MATR3: variants seen among roughly 807,000 people sequenced by gnomAD.
The protein encoded by MATR3 is matrin-3.
MATR3 carries 4 observed loss-of-function variants against 85.5 expected under a neutral mutation model. The observed-to-expected ratio is 0.05, with a 90% CI of 0.02 to 0.11. MATR3 has a LOEUF of 0.11. Among genes scored for constraint, MATR3 ranks in the 10% least tolerant of loss-of-function variants. The pLI, the probability that MATR3 is intolerant of heterozygous loss-of-function variation, is 1.00. For synonymous variants in MATR3, 336 were observed against 343.1 expected, an observed-to-expected ratio of 0.98 and a Z score of 0.23; for missense variants, 685 against 1,016.1, an observed-to-expected ratio of 0.67 and a Z score of 4.43.
chr5:139,305,343 T>C (rs1581231616), intron 1 of MATR3, among the ~76,000 whole-genome samples: 1 of 152,320 alleles, frequency 6.6e-6, no homozygotes, highest in Middle Eastern at 3.4e-3. Flanking sequence ...TTCCTTAAAA[T>C]ATGGCCGTTT....
chr5:139,320,463 G>A (rs1317650476), intron 9 of MATR3, among the ~76,000 whole-genome samples: 4 of 152,034 alleles, frequency 2.6e-5, no homozygotes, highest in Non-Finnish European at 4.4e-5. Flanking sequence ...TTTTAACCAG[G>A]CAAAGTGGCA....
Position 139,305,619 on chromosome 5 carries a change from A to G in MATR3, c.-177-1620A>G, listed in dbSNP as rs531001358. Among the ~76,000 whole-genome samples, 5 of 152,332 alleles carry G rather than the reference A, an allele frequency of 3.3e-5. No homozygotes were observed. The East Asian group carries it at 9.6e-4, about 29-fold the overall frequency. Reference sequence around the variant, plus strand: ...ATTCTGTCTGGCATTTATAAGACATATCAAAGAAACTTTCATCTGAAGAAG... The same window carrying G: ...ATTCTGTCTGGCATTTATAAGACATGTCAAAGAAACTTTCATCTGAAGAAG... On this transcript the variant is annotated intron_variant, in intron 1 of 14. Transcript: ENST00000394805.
intron 1 of MATR3, among the ~76,000 whole-genome samples, chr5:139,295,439 C>T (rs374867142): frequency 7.9e-5 from 12 of 152,314 alleles, no homozygotes; most frequent in African/African-American, 2.4e-4. Context: ...TTCCTTTGCA[C>T]TTAACAGTAT....
intron 9 of MATR3, among the ~76,000 whole-genome samples, chr5:139,319,902 A>T (rs1267262121): frequency 9.5e-4 from 46 of 48,410 alleles, no homozygotes; most frequent in African/African-American, 1.4e-3. Flanking sequence ...GTATATCCCT[A>T]TTTTTAGTGA....
intron 6 of MATR3, 117 bp downstream of exon 6, chr5:139,317,222 G>T: frequency 9.6e-7 from 1 of 1,038,148 alleles, no homozygotes; most frequent in South Asian, 1.4e-5. Flanking sequence ...GCTGTAATTT[G>T]AAAACAATCA....
intron 1 of MATR3, among the ~76,000 whole-genome samples, chr5:139,300,609 T>C (rs1176068858): frequency 1.3e-5 from 2 of 152,228 alleles, no homozygotes; most frequent in Admixed American, 1.3e-4. Flanking sequence ...AATGAGATGA[T>C]TACTACGGTG....
chr5:139,314,191 A>C (rs1755133814), intron 2 of MATR3: 1 of 176,368 alleles, frequency 5.7e-6, no homozygotes, highest in South Asian at 1.2e-4. Flanking sequence ...TGTTGGGATT[A>C]TAGGCATGAG....
rs1234248896 is a variant in MATR3, at chr5:139,330,870, C to T, written c.*1475C>T. ...TGGAGTGCAGTGGCACAGTTCTCTG[C>T]AACCTCAGCCTTTGGGCTCAAATGA... On this transcript the variant is annotated 3_prime_UTR_variant, in exon 15 of 15. Transcript: ENST00000394805. 1 of 453,826 alleles carries T rather than the reference C, an allele frequency of 2.2e-6. No homozygotes were observed. The highest frequency in any genetic ancestry group is 2.4e-5 in the Admixed American group (1 of 42,550). The allele number at this position is 453,826 out of a possible 1,614,324, so 28.1% of individuals were successfully genotyped here. A position where few individuals can be genotyped will look rare whatever the true frequency, so the allele number is the denominator to read the frequency against.
intron 3 of MATR3, among the ~76,000 whole-genome samples, chr5:139,281,836 A>T (rs1753540693): frequency 6.6e-6 from 1 of 152,184 alleles, no homozygotes; most frequent in Admixed American, 6.5e-5. Context: ...AAGAGGAAAA[A>T]CTAAAAATAA....
At chr5:139,285,392 T>A (rs1451750940) in intron 3 of MATR3, 1 of 152,350 alleles carries the variant, frequency 6.6e-6, no homozygotes, top group Middle Eastern at 3.4e-3. Flanking sequence ...TTCTAATCCC[T>A]AGTCTTGCCC....
intron 10 of MATR3, 56 bp downstream of exon 10, chr5:139,322,085 C>G: frequency 6.4e-7 from 1 of 1,561,206 alleles, no homozygotes; most frequent in Non-Finnish European, 8.8e-7. Context: ...TATTTAAAGC[C>G]ACAACATTCT....
rs1404536126 is a variant in MATR3 at position 139,322,770 on chromosome 5, C to G, written c.1951C>G (p.Leu651Val). 1.1e-5 allele frequency: 17 copies of G among 1,614,168 alleles called. 1 individual carries two copies. In the South Asian group the frequency reaches 1.9e-4, roughly 18 times the overall value. Residue 651 changes from leucine to valine, a missense_variant, in exon 12 of 15, where the codon CTT becomes GTT. Physicochemically the swap from Leu to Val is conservative, Grantham distance 32. Transcript: ENST00000394805. The stretch of plus-strand genomic sequence containing the variant: ...CCAGACAGAGCAGGAACCTAATATG[C>G]TTCTTGAATCTGAAGATGAGCTACT... ...DDQTEQEPNM[L>V]LESEDELLVD...
chr5:139,274,609 A>G (rs1342986637), intron 1 of MATR3, among the ~76,000 whole-genome samples: 1 of 152,200 alleles, frequency 6.6e-6, no homozygotes, highest in Non-Finnish European at 1.5e-5. Context: ...GGATGGCTGG[A>G]AAAAGGTATG....
chr5:139,319,726 C>G (rs1304058676), intron 9 of MATR3, among the ~76,000 whole-genome samples: 1 of 151,628 alleles, frequency 6.6e-6, no homozygotes, highest in African/African-American at 2.4e-5. Flanking sequence ...GCCTGTAATC[C>G]CAGCTACTTG....
chr5:139,328,821 G>A (rs552086005), intron 14 of MATR3, among the ~76,000 whole-genome samples: 3 of 152,110 alleles, frequency 2.0e-5, no homozygotes, highest in Non-Finnish European at 4.4e-5. Flanking sequence ...GGCCAACACG[G>A]TGAAAACCCC....
At chr5:139,328,684 ATGTT>A (rs1166544778) in intron 14 of MATR3, among the ~76,000 whole-genome samples, 3 of 152,182 alleles carry the variant, frequency 2.0e-5, no homozygotes, top group Non-Finnish European at 2.9e-5. Context: ...TTGCAAGAAA[ATGTT>A]TGTTCAGGTG....
In MATR3 at chr5:139,318,168, C is replaced by G. The variant is rs146440057; in HGVS notation, c.1308+447C>G. ...TTGTTTTGGGAGTCGGAGTCTCGCTCTGTCACCCAGGCTGGAGTGCAGTGG... is the reference window on the plus strand; with the variant it reads ...TTGTTTTGGGAGTCGGAGTCTCGCTGTGTCACCCAGGCTGGAGTGCAGTGG... On this transcript the variant is annotated intron_variant, in intron 7 of 14. Coordinates refer to ENST00000394805, the MANE Select transcript of MATR3 (RefSeq NM_018834.6). Among the ~76,000 whole-genome samples the G allele has an allele frequency of 6.3e-3, 965 of 152,320 alleles. 9 individuals are homozygous for G. Among genetic ancestry groups the G allele is most frequent in the African/African-American group, 0.022 (919 of 41,564 alleles).
intron 1 of MATR3, among the ~76,000 whole-genome samples, chr5:139,306,039 A>C (rs1262417387): frequency 6.6e-6 from 1 of 152,190 alleles, no homozygotes; most frequent in Non-Finnish European, 1.5e-5. Context: ...GGTGATCAAA[A>C]AATAGAAAAT....
chr5:139,279,367 T>C (rs1256280120), intron 3 of MATR3: 1 of 306,562 alleles, frequency 3.3e-6, no homozygotes, highest in East Asian at 8.3e-5. Context: ...TAGCTGGGAC[T>C]ACAGGCACCT....
Sources: gnomAD v4.1 joint callset for allele counts (sites outside exome capture counted in the v4.1 genomes callset) on GRCh38, gnomAD v4.1.1 for gene constraint, MANE v1.5 for transcripts, NCBI Gene and HGNC (gene_info 2026-07-23, HGNC 2026-07-21) for gene names.